The following GTF3A variants were observed in gnomAD, a reference collection of about 807,000 sequenced individuals.
GTF3A encodes the protein transcription factor IIIA.
A neutral mutation model predicts 37.6 loss-of-function variants in GTF3A; 40 were observed. The ratio of observed to expected loss-of-function variants is 1.06; its 90% CI spans 0.83 to 1.38. The LOEUF (loss-of-function observed/expected upper bound fraction) is 1.38, where lower values mean the gene tolerates loss of function less well. Among genes scored for constraint, GTF3A ranks in the 40% most tolerant of loss-of-function variants. GTF3A has a pLI of 0.00. For synonymous variants in GTF3A, 191 were observed against 166.7 expected, an observed-to-expected ratio of 1.15 and a Z score of -1.12; for missense variants, 500 against 462.6, an observed-to-expected ratio of 1.08 and a Z score of -0.74.
Position 27,424,934 on chromosome 13 carries a change from G to C in GTF3A, c.197G>C (p.Gly66Ala), listed in dbSNP as rs1163949431. The stretch of plus-strand genomic sequence containing the variant: ...GACGCGCACCTGTGCAAGCACACGG[G>C]GGAGGTGAGGGGGGCGAGGCTGCCA... Residue 66 changes from glycine to alanine, a missense_variant, in exon 1 of 9, where the codon GGG (glycine) becomes GCG (alanine). Coordinates refer to ENST00000381140, the MANE Select transcript of GTF3A (RefSeq NM_002097.3). The C allele has an allele frequency of 1.3e-6, 2 of 1,544,496 alleles. No homozygotes were observed. Among genetic ancestry groups the C allele is most frequent in the Admixed American group, 2.0e-5 (1 of 50,022 alleles).
At chr13:27,428,570 GCTAA>G (rs1398824581) in intron 2 of GTF3A, among the ~76,000 whole-genome samples, 1 of 152,164 alleles carries the variant, frequency 6.6e-6, no homozygotes. Context: ...GTCCAGCTGT[GCTAA>G]CTAACCAGCC....
intron 8 of GTF3A, 79 bp from the exon 9 acceptor site, chr13:27,435,354 G>T: frequency 7.1e-7 from 1 of 1,411,616 alleles, no homozygotes; most frequent in African/African-American, 1.4e-5. Context: ...TATATCTGCT[G>T]GTACATATGA....
chr13:27,424,620 A>C lies in GTF3A; in HGVS notation c.-118A>C. On this transcript the variant is annotated 5_prime_UTR_variant, in exon 1 of 9. Coordinates refer to ENST00000381140, the MANE Select transcript of GTF3A (RefSeq NM_002097.3). ...CCTGGTGACCGCGCGCGCTCCCGGA[A>C]GTGTGCCGGCGTCGCGCGAAGGTTC... The C allele has an allele frequency of 3.2e-6, 2 of 620,460 alleles. No individual in the cohort carries two copies. The highest frequency in any genetic ancestry group is 4.6e-6 in the Non-Finnish European group (2 of 430,442). 38.4% of individuals were successfully genotyped at this position (620,460 alleles called of 1,614,324 possible).
At chr13:27,427,728 TTTG>T (rs1390753872) in intron 2 of GTF3A, among the ~76,000 whole-genome samples, 2 of 152,064 alleles carry the variant, frequency 1.3e-5, no homozygotes, top group African/African-American at 4.8e-5. Flanking sequence ...TATATTTGTA[TTTG>T]TTCCTATTTG....
intron 2 of GTF3A, among the ~76,000 whole-genome samples, chr13:27,428,791 A>C (rs1593178151): frequency 6.6e-6 from 1 of 152,180 alleles, no homozygotes; most frequent in Non-Finnish European, 1.5e-5. Flanking sequence ...CAGAGGCAGG[A>C]GCTCTGGAGC....
intron 6 of GTF3A, 83 bp downstream of exon 6, chr13:27,434,302 G>C: frequency 1.3e-6 from 1 of 759,856 alleles, no homozygotes; most frequent in Non-Finnish European, 2.4e-6. Flanking sequence ...GTGAAATGCT[G>C]TGTGCTTTAA....
rs924716809 is a variant in GTF3A at position 27,429,863 on chromosome 13, C to T, written c.303-7C>T. 1.4e-5 allele frequency: 21 copies of T among 1,493,286 alleles called. No individual in the cohort carries two copies. Among genetic ancestry groups the T allele is most frequent in the Middle Eastern group, 3.5e-4 (2 of 5,656 alleles). 92.5% of individuals were successfully genotyped at this position (1,493,286 alleles called of 1,614,324 possible). On this transcript the variant is annotated splice_region_variant and splice_polypyrimidine_tract_variant and intron_variant, in intron 2 of 8. Transcript: ENST00000381140. ...ATTAATATTTTGGTTTATATAACTT[C>T]TTACAGTTGTGCAGCCAATGGCTGT...
chr13:27,434,550 T>C lies in GTF3A; in HGVS notation c.644-255T>C. ...GGACACTGGTCTGCTTCATTTTCTG[T>C]ACCTCCCCACAGTCACCTTCCTGAG... On this transcript the variant is annotated intron_variant, in intron 6 of 8. Transcript: ENST00000381140. The C allele has an allele frequency of 7.1e-6, 4 of 560,738 alleles. No homozygotes were observed. The South Asian group carries it at 9.8e-5, about 14-fold the overall frequency. 34.7% of individuals were successfully genotyped at this position (560,738 alleles called of 1,614,324 possible).
intron 1 of GTF3A, 29 bp from the exon 2 acceptor site, chr13:27,427,063 G>T (rs560421840): frequency 1.1e-5 from 13 of 1,151,584 alleles, no homozygotes; most frequent in Middle Eastern, 1.9e-4. Context: ...TAGTGCAGAA[G>T]TGACATGCTT....
chr13:27,430,768 C>G (rs924465911), intron 4 of GTF3A, 147 bp downstream of exon 4: 2 of 595,962 alleles, frequency 3.4e-6, no homozygotes, highest in Non-Finnish European at 6.0e-6. Context: ...GCCCACTTTT[C>G]GATGGATTGT....
At position 27,427,097 on chromosome 13, in the gene GTF3A, AT is replaced by A; in HGVS notation, c.210del (p.Phe70LeufsTer18). ...TTTTTCTTTTTTCCTGCTAGAGACC[AT>A]TTGTTTGTGACTATGAAGGGTGTGG... is the stretch of plus-strand genomic sequence containing the variant. On this transcript the variant is annotated frameshift_variant, in exon 2 of 9. Transcript: ENST00000381140. LOFTEE classifies it high-confidence loss of function. 3 of 1,552,184 alleles carry A rather than the reference AT, an allele frequency of 1.9e-6. No individual in the cohort carries two copies. The highest frequency in any genetic ancestry group is 2.7e-5 in the African/African-American group (2 of 73,760).
Position 27,424,926 on chromosome 13 carries a change from G to C in GTF3A, c.189G>C (p.Lys63Asn). 1 of 1,546,198 alleles carries C rather than the reference G, an allele frequency of 6.5e-7. No individual in the cohort carries two copies. Among genetic ancestry groups the C allele is most frequent in the Non-Finnish European group, 8.7e-7 (1 of 1,144,752 alleles). Residue 63 changes from lysine to asparagine, a missense_variant, in exon 1 of 9, where the codon AAG becomes AAC. Lys to Asn is a moderately conservative substitution (Grantham distance 94, BLOSUM62 0). Transcript: ENST00000381140. ...GGAAGCTTGACGCGCACCTGTGCAA[G>C]CACACGGGGGAGGTGAGGGGGGCGA...
At chr13:27,431,600 G>C (rs775374230) in intron 4 of GTF3A, among the ~76,000 whole-genome samples, 1 of 151,452 alleles carries the variant, frequency 6.6e-6, no homozygotes. Context: ...AAAAGACACA[G>C]TGATTTCATA....
Position 27,430,614 on chromosome 13 carries a change from C to G in GTF3A, c.481C>G (p.Leu161Val), listed in dbSNP as rs1481631705. The G allele has an allele frequency of 1.3e-6, 2 of 1,597,646 alleles. No individual in the cohort carries two copies. The highest frequency in any genetic ancestry group is 1.7e-6 in the Non-Finnish European group (2 of 1,165,476). The change falls in exon 4 of 9, where the codon CTA becomes GTA. Residue 161 changes from leucine (L) to valine (V), a missense_variant. Transcript: ENST00000381140. ...TCAGTGCCAGCATACCAATGAACCT[C>G]TATTCAAGTAGGTACTTCATGTGGC...
chr13:27,433,005 A>C (rs534089612), intron 5 of GTF3A, among the ~76,000 whole-genome samples: 1 of 152,190 alleles, frequency 6.6e-6, no homozygotes, highest in Non-Finnish European at 1.5e-5. Flanking sequence ...GTTCACATGT[A>C]ATGTGTTGTT....
At chr13:27,431,540 A>G (rs1953656536) in intron 4 of GTF3A, among the ~76,000 whole-genome samples, 1 of 152,164 alleles carries the variant, frequency 6.6e-6, no homozygotes, top group African/African-American at 2.4e-5. Context: ...TCAGGAATGG[A>G]AAACCAAATA....
At position 27,435,591 on chromosome 13, in the gene GTF3A, T is replaced by C; in HGVS notation, c.1092T>C (p.Leu364=). The change falls in exon 9 of 9, where the codon CTT becomes CTC. Residue 364 remains leucine (L), a synonymous_variant. Coordinates refer to ENST00000381140, the MANE Select transcript of GTF3A (RefSeq NM_002097.3). Reference sequence around the variant, plus strand: ...TCTCGACAGTTGCAGTACTTACCCTTGGCTAAGAACTGCACTGCTTTGTTT... The same window carrying C: ...TCTCGACAGTTGCAGTACTTACCCTCGGCTAAGAACTGCACTGCTTTGTTT... The C allele has an allele frequency of 6.2e-7, 1 of 1,612,786 alleles. No homozygotes were observed. Among genetic ancestry groups the C allele is most frequent in the South Asian group, 1.1e-5 (1 of 91,064 alleles).
At chr13:27,431,364 T>C (rs763101886) in intron 4 of GTF3A, among the ~76,000 whole-genome samples, 12 of 152,160 alleles carry the variant, frequency 7.9e-5, no homozygotes, top group Admixed American at 1.3e-4. Context: ...CAGTTCACAA[T>C]TGCAAATACA....
At position 27,435,209 on chromosome 13, in the gene GTF3A, T is replaced by C. The variant is rs1447402335; in HGVS notation, c.933+17T>C. 1.1e-5 allele frequency: 17 copies of C among 1,576,306 alleles called. No individual in the cohort carries two copies. Among genetic ancestry groups the C allele is most frequent in the Non-Finnish European group, 1.4e-5 (16 of 1,162,934 alleles). On this transcript the variant is annotated intron_variant, in intron 8 of 8. Coordinates refer to ENST00000381140, the MANE Select transcript of GTF3A (RefSeq NM_002097.3). ...AAGCTCAAAGTAAGTTGAAACTACT[T>C]AGGCAAGCTTAGTTTTCAAGTGGAA...
Sources: allele counts gnomAD v4.1 joint callset (sites outside exome capture counted in the v4.1 genomes callset), GRCh38; gene constraint gnomAD v4.1.1; transcripts MANE v1.5; gene names NCBI Gene and HGNC (gene_info 2026-07-23, HGNC 2026-07-21).